The following COP1 variants were observed in gnomAD, a reference collection of about 807,000 sequenced individuals.
COP1 encodes the protein COP1 E3 ubiquitin ligase, also known as E3 ubiquitin-protein ligase COP1.
A neutral mutation model predicts 101.3 loss-of-function variants in COP1; 24 were observed. The ratio of observed to expected loss-of-function variants is 0.24; its 90% CI spans 0.17 to 0.33. The LOEUF is 0.33. Ranked by LOEUF, COP1 falls within the 10% of genes least tolerant of loss-of-function variation. COP1 has a pLI of 1.00. For synonymous variants in COP1, 347 were observed against 341.9 expected, an observed-to-expected ratio of 1.01 and a Z score of -0.17; for missense variants, 663 against 906.2, an observed-to-expected ratio of 0.73 and a Z score of 3.45.
Position 176,175,997 on chromosome 1 carries a change from T to C in COP1, c.478A>G (p.Ile160Val). The C allele has an allele frequency of 1.3e-6, 2 of 1,549,940 alleles. No individual in the cohort carries two copies. The highest frequency in any genetic ancestry group is 1.4e-5 in the African/African-American group (1 of 73,394). ...TTATTGTCCTCCAAACTCTGATGAA[T>C]ACACTTGTAGCTATTAGTAGGGGGG... ...KCGHSFCYKC[I>V]HQSLEDNNRC... is the part of the protein sequence containing the mutation. Residue 160 changes from isoleucine to valine, a missense_variant, in exon 3 of 20, where the codon ATT becomes GTT. Coordinates refer to ENST00000367669, the MANE Select transcript of COP1 (RefSeq NM_022457.7).
intron 9 of COP1, among the ~76,000 whole-genome samples, chr1:176,107,896 T>A (rs897053578): frequency 6.6e-5 from 10 of 152,036 alleles, no homozygotes; most frequent in Non-Finnish European, 5.9e-5. Flanking sequence ...AAATTCAAAC[T>A]GAGGGAAATC....
intron 9 of COP1, among the ~76,000 whole-genome samples, chr1:176,088,924 G>C (rs1490347477): frequency 6.6e-6 from 1 of 150,508 alleles, no homozygotes; most frequent in African/African-American, 2.4e-5. Context: ...GAACCCAGGA[G>C]GCAGAGGCTG....
At chr1:175,980,222 T>TA (rs1655486842) in intron 18 of COP1, among the ~76,000 whole-genome samples, 2 of 138,326 alleles carry the variant, frequency 1.4e-5, no homozygotes, top group Admixed American at 1.5e-4. Context: ...GCTCTGCTCT[T>TA]ACTCAAAATA....
intron 11 of COP1, among the ~76,000 whole-genome samples, chr1:176,057,149 G>A (rs948895492): frequency 1.3e-5 from 2 of 152,216 alleles, no homozygotes; most frequent in South Asian, 4.1e-4. Flanking sequence ...CTAATTATAA[G>A]TAGGTGTAAG....
intron 11 of COP1, among the ~76,000 whole-genome samples, chr1:176,047,269 T>C (rs1027630258): frequency 2.6e-5 from 4 of 152,232 alleles, no homozygotes; most frequent in African/African-American, 9.6e-5. Flanking sequence ...TCATTAATCA[T>C]TCACTTACTA....
intron 2 of COP1, among the ~76,000 whole-genome samples, chr1:176,183,703 C>T (rs1171120256): frequency 6.6e-6 from 1 of 152,100 alleles, no homozygotes; most frequent in Non-Finnish European, 1.5e-5. Context: ...GAAGAAGCAA[C>T]CCCAGTGTAT....
intron 11 of COP1, among the ~76,000 whole-genome samples, chr1:176,071,945 T>C (rs1245068218): frequency 2.0e-5 from 3 of 152,182 alleles, no homozygotes; most frequent in African/African-American, 4.8e-5. Context: ...GAAAACCAAG[T>C]CGAGATTAGA....
intron 15 of COP1, among the ~76,000 whole-genome samples, chr1:175,990,994 G>A (rs1232606476): frequency 6.6e-6 from 1 of 151,392 alleles, no homozygotes; most frequent in Non-Finnish European, 1.5e-5. Flanking sequence ...TTAATAGGTT[G>A]CACATCTGAA....
At chr1:175,989,140 T>C in intron 16 of COP1, 2 of 359,730 alleles carry the variant, frequency 5.6e-6, no homozygotes, top group Non-Finnish European at 1.0e-5. Flanking sequence ...AAAAAACTAG[T>C]ATCTTCAGGA....
chr1:176,070,981 T>C (rs991646931), intron 11 of COP1, among the ~76,000 whole-genome samples: 1 of 152,176 alleles, frequency 6.6e-6, no homozygotes, highest in African/African-American at 2.4e-5. Context: ...TTCTTCTCCA[T>C]ACTGTACACT....
rs1173273169 is a variant in COP1, at chr1:176,168,062, A to ATT, written c.566-4173_566-4172dup. Among the ~76,000 whole-genome samples, 382 of 145,730 alleles carry ATT rather than the reference A, an allele frequency of 2.6e-3. 3 individuals carry two copies. The highest frequency in any genetic ancestry group is 9.1e-3 in the African/African-American group (365 of 39,904). ...GAGAGGTAAGAAAATTCAATTTACG[A>ATT]TTTTTTTTTTTTTGAAACAGAGTCT... is the stretch of plus-strand genomic sequence containing the variant. On this transcript the variant is annotated intron_variant, in intron 3 of 19. Transcript: ENST00000367669.
intron 10 of COP1, among the ~76,000 whole-genome samples, chr1:176,084,600 C>T (rs1236504100): frequency 6.6e-6 from 1 of 152,114 alleles, no homozygotes; most frequent in Admixed American, 6.5e-5. Context: ...CATTCCCAGG[C>T]AATAAATGAA....
chr1:176,048,302 G>A (rs1236884972), intron 11 of COP1, among the ~76,000 whole-genome samples: 3 of 148,124 alleles, frequency 2.0e-5, no homozygotes, highest in Non-Finnish European at 4.4e-5. Context: ...CAAAGTGCTG[G>A]GATTACAGAT....
intron 5 of COP1, among the ~76,000 whole-genome samples, chr1:176,159,201 C>A (rs992979925): frequency 6.6e-6 from 1 of 152,038 alleles, no homozygotes; most frequent in African/African-American, 2.4e-5. Context: ...CACACATACA[C>A]AAATCAGTAA....
At chr1:176,147,957 T>C (rs1274037527) in intron 6 of COP1, among the ~76,000 whole-genome samples, 3 of 152,128 alleles carry the variant, frequency 2.0e-5, no homozygotes, top group Non-Finnish European at 2.9e-5. Context: ...TGGAGTGCAG[T>C]GGCGCGATCT....
intron 15 of COP1, among the ~76,000 whole-genome samples, chr1:176,003,524 TG>T (rs1662316111): frequency 6.6e-6 from 1 of 151,652 alleles, no homozygotes; most frequent in African/African-American, 2.4e-5. Flanking sequence ...AATTGATTTT[TG>T]TATAAGGTGT....
chr1:176,027,800 TA>T, intron 14 of COP1, 112 bp from the exon 15 acceptor site: 4 of 677,346 alleles, frequency 5.9e-6, no homozygotes, highest in Non-Finnish European at 1.0e-5. Context: ...TGTGCCACTC[TA>T]AAACATTTGG....
chr1:176,058,388 T>A (rs1187546903), intron 11 of COP1, among the ~76,000 whole-genome samples: 1 of 152,134 alleles, frequency 6.6e-6, no homozygotes, highest in African/African-American at 2.4e-5. Flanking sequence ...TAGAAAGAAG[T>A]AGACATGGGA....
chr1:176,168,143 C>T lies in COP1; in HGVS notation c.566-4252G>A, dbSNP rs557480207. ...TGCGATCTCGGCTCACCGCAACCTC[C>T]GCCTCCTGGGTTCAAGCAATTCTCC... On this transcript the variant is annotated intron_variant, in intron 3 of 19. Coordinates refer to ENST00000367669, the MANE Select transcript of COP1 (RefSeq NM_022457.7). Among the ~76,000 whole-genome samples, 8 of 151,762 alleles carry T rather than the reference C, an allele frequency of 5.3e-5. No homozygotes were observed. In the South Asian group the frequency reaches 1.3e-3, roughly 24 times the overall value.
Sources: allele counts gnomAD v4.1 joint callset (sites outside exome capture counted in the v4.1 genomes callset), GRCh38; gene constraint gnomAD v4.1.1; transcripts MANE v1.5; gene names NCBI Gene and HGNC (gene_info 2026-07-23, HGNC 2026-07-21).